Variants in PREX2 observed in about 807,000 individuals in gnomAD.
PREX2 encodes the protein phosphatidylinositol-3,4,5-trisphosphate dependent Rac exchange factor 2, also known as phosphatidylinositol 3,4,5-trisphosphate-dependent Rac exchanger 2 protein.
PREX2 carries 107 observed loss-of-function variants against 203.2 expected under a neutral mutation model. The ratio of observed to expected loss-of-function variants is 0.53; its 90% CI spans 0.45 to 0.62. PREX2 has a LOEUF of 0.62. PREX2 is among the 20% of genes least tolerant of loss of function. The pLI is 0.00. For missense variants in PREX2, 1,777 were observed against 1,955.9 expected (o/e 0.91, Z 1.72); for synonymous variants, 672 against 663.6 (o/e 1.01, Z -0.19).
chr8:68,211,135 A>G (rs1274125456), intron 37 of PREX2, among the ~76,000 whole-genome samples: 1 of 152,156 alleles, frequency 6.6e-6, no homozygotes, highest in East Asian at 1.9e-4. Context: ...TGCTGTGTAA[A>G]ATAAACTCAA....
chr8:67,980,341 G>C (rs970079618), intron 1 of PREX2, among the ~76,000 whole-genome samples: 1 of 152,128 alleles, frequency 6.6e-6, no homozygotes, highest in Admixed American at 6.6e-5. Context: ...ACCTGGGACT[G>C]GTAACCCTTT....
intron 1 of PREX2, among the ~76,000 whole-genome samples, chr8:67,976,039 T>A (rs1381911985): frequency 6.6e-6 from 1 of 151,882 alleles, no homozygotes; most frequent in Non-Finnish European, 1.5e-5. Flanking sequence ...ATTTTTGATT[T>A]AAAAAAATGC....
At chr8:67,972,935 C>G (rs1805966842) in intron 1 of PREX2, among the ~76,000 whole-genome samples, 1 of 152,060 alleles carries the variant, frequency 6.6e-6, no homozygotes, top group Non-Finnish European at 1.5e-5. Context: ...CATCATTTTC[C>G]CTTAGAGGAC....
chr8:68,118,131 G>A (rs1339104161), intron 26 of PREX2, among the ~76,000 whole-genome samples: 6 of 152,044 alleles, frequency 3.9e-5, no homozygotes, highest in African/African-American at 7.2e-5. Flanking sequence ...CGAGGTGGGC[G>A]GATCACAAGG....
At chr8:67,973,172 G>C (rs900783977) in intron 1 of PREX2, among the ~76,000 whole-genome samples, 1 of 152,030 alleles carries the variant, frequency 6.6e-6, no homozygotes, top group Non-Finnish European at 1.5e-5. Flanking sequence ...GGGGTGATAC[G>C]GCAATAAAAG....
At chr8:68,054,751 G>C (rs966537112) in intron 9 of PREX2, among the ~76,000 whole-genome samples, 2 of 152,094 alleles carry the variant, frequency 1.3e-5, no homozygotes, top group African/African-American at 2.4e-5. Flanking sequence ...CCTCTCCCCT[G>C]AGCATGCTCG....
chr8:68,006,156 T>C (rs897141360), intron 1 of PREX2, among the ~76,000 whole-genome samples: 2 of 152,160 alleles, frequency 1.3e-5, no homozygotes, highest in Non-Finnish European at 2.9e-5. Flanking sequence ...ATGTTCAGCC[T>C]CCCCAACTGC....
rs574202614 is a variant in PREX2, at chr8:68,069,598, TTGTA to T, written c.1444-233_1444-230del. Among the ~76,000 whole-genome samples the T allele has an allele frequency of 3.5e-3, 250 of 71,408 alleles. 2 individuals are homozygous for T. Among genetic ancestry groups the T allele is most frequent in the African/African-American group, 0.012 (241 of 20,450 alleles). The allele number at this position is 71,408 out of a possible 152,430, so 46.8% of individuals were successfully genotyped here. A position where few individuals can be genotyped will look rare whatever the true frequency, so the allele number is the denominator to read the frequency against. ...TAAGAAACATAATTTAGAAAAATCT[TTGTA>T]TGTGTGTATGTCATATATGAGGAAT... On this transcript the variant is annotated intron_variant, in intron 12 of 39. Coordinates refer to ENST00000288368, the MANE Select transcript of PREX2 (RefSeq NM_024870.4).
At position 68,168,345 on chromosome 8, in the gene PREX2, A is replaced by G. The variant is rs539268259; in HGVS notation, c.4346+10909A>G. ...TCTTTTATTAAAAAACAGAAATGTA[A>G]TATATACTCATATCAAACAGACAGC... On this transcript the variant is annotated intron_variant, in intron 35 of 39. Coordinates refer to ENST00000288368, the MANE Select transcript of PREX2 (RefSeq NM_024870.4). Among the ~76,000 whole-genome samples, 290 of 152,328 alleles carry G rather than the reference A, an allele frequency of 1.9e-3. 5 individuals are homozygous for G. The highest frequency in any genetic ancestry group is 0.016 in the South Asian group (75 of 4,826).
At position 68,077,467 on chromosome 8, in the gene PREX2, A is replaced by G. The variant is rs1809385439; in HGVS notation, c.1640A>G (p.His547Arg). The change falls in exon 15 of 40, where the codon CAT becomes CGT. Residue 547 changes from histidine to arginine, a missense_variant and splice_region_variant. His to Arg is a conservative substitution (Grantham distance 29, BLOSUM62 0). Coordinates refer to ENST00000288368, the MANE Select transcript of PREX2 (RefSeq NM_024870.4). ...VGLCDNGFMH[H>R]VLEKSEFKDE... ...CTCTGTGACAATGGATTTATGCACC[A>G]TGGTAGGGATTTTTTACCCTGGGAG... 6.2e-7 allele frequency: 1 copy of G among 1,608,652 alleles called. No homozygotes were observed. Among genetic ancestry groups the G allele is most frequent in the Non-Finnish European group, 8.5e-7 (1 of 1,175,048 alleles).
At chr8:68,169,532 G>C (rs371238878) in intron 35 of PREX2, among the ~76,000 whole-genome samples, 1 of 152,076 alleles carries the variant, frequency 6.6e-6, no homozygotes, top group East Asian at 1.9e-4. Flanking sequence ...CAAATTTTAA[G>C]AACATATTAA....
chr8:68,172,226 T>C (rs530444006), intron 35 of PREX2, among the ~76,000 whole-genome samples: 3 of 152,356 alleles, frequency 2.0e-5, no homozygotes, highest in East Asian at 3.9e-4. Flanking sequence ...AATTAGTTTA[T>C]AATGCTTGAA....
intron 30 of PREX2, among the ~76,000 whole-genome samples, chr8:68,121,696 A>G (rs1454427323): frequency 6.6e-6 from 1 of 152,138 alleles, no homozygotes; most frequent in Non-Finnish European, 1.5e-5. Flanking sequence ...GAATTCACCT[A>G]GTTGTAAAAA....
At chr8:68,022,260 C>T (rs566036049) in intron 4 of PREX2, 120 bp downstream of exon 4, 8 of 598,038 alleles carry the variant, frequency 1.3e-5, no homozygotes, top group South Asian at 6.1e-5. Flanking sequence ...CATCCCCAGG[C>T]GAGGAAGCAA....
rs183199986 is a variant in PREX2 at position 68,232,218 on chromosome 8, C to G, written c.*840C>G. The G allele has an allele frequency of 6.6e-6, 1 of 152,248 alleles. No individual in the cohort carries two copies. The highest frequency in any genetic ancestry group is 1.9e-4 in the East Asian group (1 of 5,174). The allele number at this position is 152,248 out of a possible 1,614,324, so 9.4% of individuals were successfully genotyped here. The stretch of plus-strand genomic sequence containing the variant: ...AGGGGACTGTAAGCCTATTTTAAAA[C>G]TAAACCTTTAAGTTAGATACCTAAA... On this transcript the variant is annotated 3_prime_UTR_variant, in exon 40 of 40. Transcript: ENST00000288368.
chr8:68,228,163 A>G (rs1193580855), intron 39 of PREX2, among the ~76,000 whole-genome samples: 1 of 152,248 alleles, frequency 6.6e-6, no homozygotes, highest in African/African-American at 2.4e-5. Flanking sequence ...CCTCTTCCTC[A>G]GGAACCAAAT....
chr8:67,969,825 A>C (rs897933587), intron 1 of PREX2, among the ~76,000 whole-genome samples: 3 of 152,162 alleles, frequency 2.0e-5, no homozygotes, highest in African/African-American at 7.2e-5. Flanking sequence ...CCGCTGTGTA[A>C]AAATGGGAAG....
intron 39 of PREX2, among the ~76,000 whole-genome samples, chr8:68,228,616 A>T (rs1241794952): frequency 2.0e-5 from 3 of 151,932 alleles, no homozygotes; most frequent in Admixed American, 6.6e-5. Flanking sequence ...TAAAAAAAAA[A>T]TTAGCTGGGC....
At chr8:68,089,477 ACTCTCCAAT>A (rs151265699) in intron 19 of PREX2, among the ~76,000 whole-genome samples, 1 of 152,006 alleles carries the variant, frequency 6.6e-6, no homozygotes, top group African/African-American at 2.4e-5. Flanking sequence ...GCTCTATTCA[ACTCTCCAAT>A]CCTGTCTCTT....
Sources: allele counts gnomAD v4.1 joint callset (sites outside exome capture counted in the v4.1 genomes callset), GRCh38; gene constraint gnomAD v4.1.1; transcripts MANE v1.5; gene names NCBI Gene and HGNC (gene_info 2026-07-23, HGNC 2026-07-21).